Variants in GALNT13 observed in about 807,000 individuals in gnomAD.
The protein encoded by GALNT13 is UDP-GalNAc:polypeptide N-acetylgalactosaminyltransferase 13.
A neutral mutation model predicts 64.2 loss-of-function variants in GALNT13; 28 were observed. That is an observed-to-expected ratio of 0.44 (90% CI 0.32 to 0.60). The LOEUF (loss-of-function observed/expected upper bound fraction) is 0.60, where lower values mean the gene tolerates loss of function less well. GALNT13 is among the 20% of genes least tolerant of loss of function. The pLI is 0.05. For synonymous variants in GALNT13, 214 were observed against 224.6 expected (o/e 0.95, Z 0.42); for missense variants, 577 against 669.8 (o/e 0.86, Z 1.53).
At chr2:154,093,833 C>T (rs750011622) in intron 3 of GALNT13, among the ~76,000 whole-genome samples, 1 of 151,496 alleles carries the variant, frequency 6.6e-6, no homozygotes, top group Non-Finnish European at 1.5e-5. Context: ...TAACTCAAAG[C>T]CAGGTAATAA....
the GALNT13 span, among the ~76,000 whole-genome samples, chr2:153,263,104 G>T: frequency 1.3e-5 from 2 of 151,636 alleles, no homozygotes; most frequent in African/African-American, 4.8e-5. Context: ...AAAGTCTCAG[G>T]GTACAAAATC....
chr2:153,719,448 G>C, the GALNT13 span, among the ~76,000 whole-genome samples: 1 of 152,104 alleles, frequency 6.6e-6, no homozygotes, highest in Non-Finnish European at 1.5e-5. Context: ...AGCTAATATG[G>C]GGGGAGGAGC....
intron 12 of GALNT13, among the ~76,000 whole-genome samples, chr2:154,440,598 C>T (rs562920251): frequency 1.2e-4 from 19 of 152,186 alleles, no homozygotes; most frequent in Non-Finnish European, 2.5e-4. Context: ...CTTTGGAACA[C>T]ACGCACAAAA....
the GALNT13 span, among the ~76,000 whole-genome samples, chr2:153,704,308 T>G: frequency 6.6e-6 from 1 of 152,172 alleles, no homozygotes; most frequent in Admixed American, 6.5e-5. Context: ...GCTTTCTTTC[T>G]TACTTTAAAA....
the GALNT13 span, among the ~76,000 whole-genome samples, chr2:153,220,981 T>C: frequency 1.3e-4 from 20 of 152,046 alleles, no homozygotes; most frequent in Non-Finnish European, 2.5e-4. Flanking sequence ...CTGGAGCCTG[T>C]TGGAAGGTGG....
At chr2:153,229,667 T>A in the GALNT13 span, among the ~76,000 whole-genome samples, 4 of 152,220 alleles carry the variant, frequency 2.6e-5, no homozygotes, top group South Asian at 8.3e-4. Context: ...GATGACTTGA[T>A]AGTGGTCTGA....
the GALNT13 span, among the ~76,000 whole-genome samples, chr2:153,616,720 T>G: frequency 0.011 from 1,630 of 152,112 alleles, 21 homozygotes; most frequent in African/African-American, 0.036. Flanking sequence ...TTTCTCTTTC[T>G]GATTGTTCAC....
At chr2:153,453,727 C>A in the GALNT13 span, among the ~76,000 whole-genome samples, 3 of 152,230 alleles carry the variant, frequency 2.0e-5, no homozygotes, top group South Asian at 4.1e-4. Flanking sequence ...AAAGAACTTA[C>A]AACAGGACTA....
chr2:154,197,131 T>C (rs1263249945), intron 4 of GALNT13, among the ~76,000 whole-genome samples: 4 of 152,158 alleles, frequency 2.6e-5, no homozygotes, highest in Admixed American at 1.3e-4. Flanking sequence ...TATTTGATTT[T>C]TTAAAAAGTG....
the GALNT13 span, among the ~76,000 whole-genome samples, chr2:153,779,216 A>G: frequency 3.3e-5 from 5 of 152,154 alleles, no homozygotes; most frequent in African/African-American, 1.2e-4. Context: ...CTAGACGCAA[A>G]ACATATAATT....
At chr2:153,567,871 TAA>T in the GALNT13 span, among the ~76,000 whole-genome samples, 2 of 152,244 alleles carry the variant, frequency 1.3e-5, no homozygotes, top group Non-Finnish European at 2.9e-5. Context: ...AGAATATTTT[TAA>T]AAGTCTCCCT....
At chr2:153,089,238 G>A in the GALNT13 span, among the ~76,000 whole-genome samples, 1 of 152,100 alleles carries the variant, frequency 6.6e-6, no homozygotes, top group Non-Finnish European at 1.5e-5. Flanking sequence ...ATGAGGCTTA[G>A]TTTTTCTGAG....
In GALNT13 at chr2:154,211,543, G is replaced by T. The variant is rs1247315553; in HGVS notation, c.312-30487G>T. Among the ~76,000 whole-genome samples, 3 of 138,754 alleles carry T rather than the reference G, an allele frequency of 2.2e-5. No homozygotes were observed. The East Asian group carries it at 6.7e-4, about 31-fold the overall frequency. 91.0% of individuals were successfully genotyped at this position (138,754 alleles called of 152,430 possible). A position where few individuals can be genotyped will look rare whatever the true frequency, so the allele number is the denominator to read the frequency against. On this transcript the variant is annotated intron_variant, in intron 4 of 12. Coordinates refer to ENST00000392825, the MANE Select transcript of GALNT13 (RefSeq NM_052917.4). ...CTTGGGAGGCTGAGTCAGGATAATC[G>T]ATTGAACCCGGGAGGCAGATTTTGC...
At chr2:153,736,907 G>A in the GALNT13 span, among the ~76,000 whole-genome samples, 5 of 152,166 alleles carry the variant, frequency 3.3e-5, no homozygotes. Context: ...CACTCCGAGT[G>A]CAGTTTCTCT....
the GALNT13 span, among the ~76,000 whole-genome samples, chr2:153,178,860 C>T: frequency 0.51 from 72,765 of 143,078 alleles, 18,404 homozygotes; most frequent in East Asian, 0.84. Flanking sequence ...CTCAGTCTCC[C>T]GAGTAGCTGG....
At chr2:153,476,011 T>G in the GALNT13 span, among the ~76,000 whole-genome samples, 1 of 152,226 alleles carries the variant, frequency 6.6e-6, no homozygotes, top group Non-Finnish European at 1.5e-5. Flanking sequence ...GACTACCTAT[T>G]GACTATCTCT....
the GALNT13 span, among the ~76,000 whole-genome samples, chr2:153,617,258 G>A: frequency 6.6e-6 from 1 of 151,852 alleles, no homozygotes; most frequent in South Asian, 2.1e-4. Flanking sequence ...AGTTTTTTGA[G>A]GGTTTTTATT....
chr2:153,157,901 A>G, the GALNT13 span, among the ~76,000 whole-genome samples: 3 of 152,196 alleles, frequency 2.0e-5, no homozygotes, highest in Non-Finnish European at 4.4e-5. Flanking sequence ...AATTCAATGT[A>G]ATAATTACAA....
chr2:153,240,180 C>G, the GALNT13 span, among the ~76,000 whole-genome samples: 2 of 152,068 alleles, frequency 1.3e-5, no homozygotes, highest in African/African-American at 4.8e-5. Flanking sequence ...CCTCTTTCAT[C>G]TCTGATTTTA....
Sources: gnomAD v4.1 joint callset for allele counts (sites outside exome capture counted in the v4.1 genomes callset) on GRCh38, gnomAD v4.1.1 for gene constraint, MANE v1.5 for transcripts, NCBI Gene and HGNC (gene_info 2026-07-23, HGNC 2026-07-21) for gene names.